NPAS2: variants seen among roughly 807,000 people sequenced by gnomAD.
The protein encoded by NPAS2 is neuronal PAS domain protein 2, also known as neuronal PAS domain-containing protein 2.
Under a neutral mutation model 107.5 loss-of-function variants are expected in NPAS2, and 23 were observed. The ratio of observed to expected loss-of-function variants is 0.21; its 90% confidence interval spans 0.15 to 0.30. The LOEUF (loss-of-function observed/expected upper bound fraction) is 0.30, where lower values mean the gene tolerates loss of function less well. NPAS2 is among the 10% of genes least tolerant of loss of function. NPAS2 has a pLI of 1.00. For synonymous variants in NPAS2, 403 were observed against 417.5 expected (o/e 0.97, Z 0.42); for missense variants, 756 against 1,043.3 (o/e 0.72, Z 3.79).
chr2:100,857,760 T>C (rs1678674818), intron 1 of NPAS2, among the ~76,000 whole-genome samples: 1 of 152,224 alleles, frequency 6.6e-6, no homozygotes, highest in African/African-American at 2.4e-5. Context: ...GGCCACAGTT[T>C]ACTCTTGAAC....
chr2:100,859,973 C>T lies in NPAS2; in HGVS notation c.-23+39559C>T, dbSNP rs375808391. On this transcript the variant is annotated intron_variant, in intron 1 of 20. Transcript: ENST00000335681. ...AGATATGAGGCTTAAGGACACTTTC[C>T]TGTGTATGTATCCATGATTCAGTCA... 5.3e-4 allele frequency among the ~76,000 whole-genome samples: 81 copies of T among 152,234 alleles called. 1 individual carries two copies. Among genetic ancestry groups the T allele is most frequent in the African/African-American group, 1.9e-3 (81 of 41,544 alleles).
At chr2:100,832,237 G>A (rs1391760829) in intron 1 of NPAS2, among the ~76,000 whole-genome samples, 4 of 152,148 alleles carry the variant, frequency 2.6e-5, no homozygotes, top group African/African-American at 4.8e-5. Context: ...GCAGATATGA[G>A]CCCCTCAAAG....
intron 16 of NPAS2, chr2:100,983,564 G>C (rs1188594663): frequency 6.6e-6 from 1 of 152,478 alleles, no homozygotes; most frequent in African/African-American, 2.4e-5. Context: ...CCCTGGACAG[G>C]CCACCTCCCC....
At chr2:100,979,480 C>CTATATATATATATA (rs201705535) in intron 15 of NPAS2, among the ~76,000 whole-genome samples, 6 of 64,794 alleles carry the variant, frequency 9.3e-5, no homozygotes, top group African/African-American at 3.2e-4. Flanking sequence ...TTAATAATAA[C>CTATATATATATATA]TATATATATA....
chr2:100,890,533 C>T (rs1368315895), intron 1 of NPAS2, among the ~76,000 whole-genome samples: 1 of 152,022 alleles, frequency 6.6e-6, no homozygotes, highest in African/African-American at 2.4e-5. Flanking sequence ...GTCATCAGGC[C>T]CAAATACAGT....
chr2:100,915,975 A>G (rs1236912659), intron 2 of NPAS2, among the ~76,000 whole-genome samples: 1 of 152,208 alleles, frequency 6.6e-6, no homozygotes, highest in Non-Finnish European at 1.5e-5. Context: ...AGAGGGGGCT[A>G]TATAGAGAAA....
rs1220638796 is a variant in NPAS2 at position 100,976,652 on chromosome 2, C to A, written c.1393-1058C>A. The A allele has an allele frequency of 6.6e-6, 1 of 152,124 alleles. No homozygotes were observed. The highest frequency in any genetic ancestry group is 1.5e-5 in the Non-Finnish European group (1 of 68,048). The allele number at this position is 152,124 out of a possible 1,614,324, so 9.4% of individuals were successfully genotyped here. ...GCTGTCTCCATAAAGGCTGTGCACACCCTGCTTGAGAAGCTTGGGCGATGC... is the reference window on the plus strand; with the variant it reads ...GCTGTCTCCATAAAGGCTGTGCACAACCTGCTTGAGAAGCTTGGGCGATGC... On this transcript the variant is annotated intron_variant, in intron 14 of 20. Coordinates refer to ENST00000335681, the MANE Select transcript of NPAS2 (RefSeq NM_002518.4). This position sits in a 1 kb window ranked among gnomAD's most constrained non-coding sequence, Gnocchi z 4.1.
At chr2:100,821,516 T>TAA (rs1038235807) in intron 1 of NPAS2, among the ~76,000 whole-genome samples, 100 of 152,344 alleles carry the variant, frequency 6.6e-4, no homozygotes, top group African/African-American at 2.3e-3. Flanking sequence ...AGAGACGAGC[T>TAA]AAACCGTCTT....
chr2:100,991,409 A>C (rs1678124820), intron 19 of NPAS2, among the ~76,000 whole-genome samples: 1 of 152,234 alleles, frequency 6.6e-6, no homozygotes, highest in Non-Finnish European at 1.5e-5. Context: ...GGAATAGTTT[A>C]AAAGCTGCTG....
chr2:100,962,281 A>G (rs1675958570), intron 7 of NPAS2, among the ~76,000 whole-genome samples: 2 of 152,200 alleles, frequency 1.3e-5, no homozygotes, highest in African/African-American at 4.8e-5. Context: ...AGAAGACCAC[A>G]TTATAGAATC....
At chr2:100,891,712 T>C (rs935120982) in intron 1 of NPAS2, among the ~76,000 whole-genome samples, 2 of 152,358 alleles carry the variant, frequency 1.3e-5, no homozygotes, top group African/African-American at 4.8e-5. Context: ...TTTGATTAAA[T>C]GTTATTTGAA....
Position 100,965,821 on chromosome 2 carries a change from C to A in NPAS2, c.907+55C>A. ...GGGCCTTGCGTTCACTCCACTGGGGCCCAGCAGCAGGGCTCTGGGACTCCA... is the reference window on the plus strand; with the variant it reads ...GGGCCTTGCGTTCACTCCACTGGGGACCAGCAGCAGGGCTCTGGGACTCCA... On this transcript the variant is annotated intron_variant, in intron 10 of 20. Transcript: ENST00000335681. The surrounding 1 kb of genome is among the most constrained non-coding windows in gnomAD (Gnocchi z 4.3). 1.7e-6 allele frequency: 2 copies of A among 1,149,398 alleles called. No individual in the cohort carries two copies. Among genetic ancestry groups the A allele is most frequent in the Non-Finnish European group, 2.6e-6 (2 of 772,146 alleles). 71.2% of individuals were successfully genotyped at this position (1,149,398 alleles called of 1,614,324 possible). A position where few individuals can be genotyped will look rare whatever the true frequency, so the allele number is the denominator to read the frequency against.
At position 100,873,327 on chromosome 2, in the gene NPAS2, C is replaced by T. The variant is rs1308862095; in HGVS notation, c.-22-31406C>T. Among the ~76,000 whole-genome samples the T allele has an allele frequency of 2.4e-3, 321 of 132,424 alleles. 2 individuals carry two copies. The highest frequency in any genetic ancestry group is 9.3e-3 in the African/African-American group (301 of 32,460). 86.9% of individuals were successfully genotyped at this position (132,424 alleles called of 152,430 possible). ...ATATATACACACACACACACACACA[C>T]ACACACACACACACATATATACATA... On this transcript the variant is annotated intron_variant, in intron 1 of 20. Coordinates refer to ENST00000335681, the MANE Select transcript of NPAS2 (RefSeq NM_002518.4).
chr2:100,874,227 C>T (rs558432107), intron 1 of NPAS2, among the ~76,000 whole-genome samples: 19 of 152,058 alleles, frequency 1.2e-4, no homozygotes, highest in Non-Finnish European at 2.1e-4. Flanking sequence ...TCAAGCAATC[C>T]GCCTGCCTCG....
chr2:100,988,324 C>A (rs1447221299), intron 17 of NPAS2, 48 bp downstream of exon 17: 2 of 1,528,454 alleles, frequency 1.3e-6, no homozygotes, highest in Non-Finnish European at 9.0e-7. Flanking sequence ...AGAGCAGACA[C>A]CCTCTTGCAG....
intron 1 of NPAS2, among the ~76,000 whole-genome samples, chr2:100,867,641 C>G (rs974740553): frequency 1.3e-5 from 2 of 152,142 alleles, no homozygotes; most frequent in Non-Finnish European, 2.9e-5. Flanking sequence ...TGTGTGATGA[C>G]TCTTAAATCT....
At chr2:100,888,385 C>T (rs948763766) in intron 1 of NPAS2, among the ~76,000 whole-genome samples, 9 of 151,710 alleles carry the variant, frequency 5.9e-5, no homozygotes, top group Admixed American at 2.0e-4. Context: ...GCCGTGGGGG[C>T]GGAGGAAGAT....
At chr2:100,898,071 C>T (rs774457852) in intron 1 of NPAS2, among the ~76,000 whole-genome samples, 5 of 152,228 alleles carry the variant, frequency 3.3e-5, no homozygotes, top group Admixed American at 2.0e-4. Context: ...CAATCAAAAT[C>T]GCATCAAGCT....
chr2:100,979,929 G>A (rs187036006), intron 15 of NPAS2, among the ~76,000 whole-genome samples: 251 of 152,246 alleles, frequency 1.6e-3, no homozygotes, highest in Non-Finnish European at 2.9e-3. Flanking sequence ...GTGAAACAAC[G>A]AGATTCTGGG....
Sources: allele counts gnomAD v4.1 joint callset (sites outside exome capture counted in the v4.1 genomes callset), GRCh38; gene constraint gnomAD v4.1.1; non-coding constraint Gnocchi (gnomAD v3.1); transcripts MANE v1.5; gene names NCBI Gene and HGNC (gene_info 2026-07-23, HGNC 2026-07-21).